UNC5D: variants seen among roughly 807,000 people sequenced by gnomAD.
The protein encoded by UNC5D is unc-5 netrin receptor D, also known as netrin receptor UNC5D.
A neutral mutation model predicts 105.4 loss-of-function variants in UNC5D; 39 were observed. The ratio of observed to expected loss-of-function variants is 0.37; its 90% CI spans 0.29 to 0.48. The LOEUF is 0.48. Ranked by LOEUF, UNC5D falls within the 20% of genes least tolerant of loss-of-function variation. The pLI, the probability that UNC5D is intolerant of heterozygous loss-of-function variation, is 0.98. For synonymous variants in UNC5D, 452 were observed against 450.4 expected (o/e 1.00, Z -0.04); for missense variants, 991 against 1,202.4 (o/e 0.82, Z 2.60).
chr8:35,537,197 ATAG>A (rs1455940945), intron 1 of UNC5D, among the ~76,000 whole-genome samples: 3 of 152,206 alleles, frequency 2.0e-5, no homozygotes, highest in Admixed American at 6.5e-5. Context: ...GTAAACAAAA[ATAG>A]TAGAAAAATA....
chr8:35,305,181 T>C (rs1200565654), intron 1 of UNC5D, among the ~76,000 whole-genome samples: 2 of 152,134 alleles, frequency 1.3e-5, no homozygotes, highest in Admixed American at 6.6e-5. Context: ...TTGTTCTATG[T>C]GACTCCAAGT....
At chr8:35,342,207 C>T (rs1472839818) in intron 1 of UNC5D, among the ~76,000 whole-genome samples, 1 of 152,038 alleles carries the variant, frequency 6.6e-6, no homozygotes, top group East Asian at 1.9e-4. Flanking sequence ...GGATTTTGGA[C>T]CTTTTCCGTG....
chr8:35,771,802 C>T (rs779598204), intron 15 of UNC5D, among the ~76,000 whole-genome samples: 30 of 152,158 alleles, frequency 2.0e-4, no homozygotes, highest in Non-Finnish European at 3.7e-4. Context: ...AAACAGGGTG[C>T]TATAGTGAAA....
intron 3 of UNC5D, among the ~76,000 whole-genome samples, chr8:35,589,357 ATTAT>A (rs908842141): frequency 6.6e-6 from 1 of 151,376 alleles, no homozygotes; most frequent in African/African-American, 2.4e-5. Flanking sequence ...ATTATAAATG[ATTAT>A]TTGAGCAATA....
chr8:35,717,273 T>G (rs1828305017), intron 8 of UNC5D, among the ~76,000 whole-genome samples: 1 of 152,210 alleles, frequency 6.6e-6, no homozygotes, highest in Admixed American at 6.6e-5. Context: ...GCAACATAGA[T>G]TCTAATCTGG....
rs535224167 is a variant in UNC5D at position 35,537,422 on chromosome 8, A to G, written c.104-11870A>G. Among the ~76,000 whole-genome samples, 3 of 152,274 alleles carry G rather than the reference A, an allele frequency of 2.0e-5. No homozygotes were observed. In the East Asian group the frequency reaches 5.8e-4, roughly 29 times the overall value. On this transcript the variant is annotated intron_variant, in intron 1 of 16. Transcript: ENST00000404895. Reference sequence around the variant, plus strand: ...GGGCAGGATACGGTGGCTCATGCCTATAATTCTAACATTTTGGGAGGCCAA... The same window carrying G: ...GGGCAGGATACGGTGGCTCATGCCTGTAATTCTAACATTTTGGGAGGCCAA...
chr8:35,425,354 C>T (rs1806172844), intron 1 of UNC5D, among the ~76,000 whole-genome samples: 1 of 152,156 alleles, frequency 6.6e-6, no homozygotes, highest in Admixed American at 6.6e-5. Context: ...GTTTCCACTT[C>T]AGTCCCTGGC....
At chr8:35,533,606 C>G (rs571919388) in intron 1 of UNC5D, among the ~76,000 whole-genome samples, 7 of 152,250 alleles carry the variant, frequency 4.6e-5, no homozygotes, top group Non-Finnish European at 1.0e-4. Flanking sequence ...CTTTGTTTAC[C>G]TAAGCAAGCC....
chr8:35,433,532 G>A (rs1409943023), intron 1 of UNC5D, among the ~76,000 whole-genome samples: 1 of 151,972 alleles, frequency 6.6e-6, no homozygotes, highest in Non-Finnish European at 1.5e-5. Flanking sequence ...ACTCAATTCA[G>A]TTATGAAAAG....
intron 1 of UNC5D, among the ~76,000 whole-genome samples, chr8:35,305,211 C>T (rs998644370): frequency 2.0e-5 from 3 of 151,990 alleles, no homozygotes; most frequent in Non-Finnish European, 4.4e-5. Context: ...GATGGATAGA[C>T]GTAAGTGACA....
intron 1 of UNC5D, among the ~76,000 whole-genome samples, chr8:35,359,460 T>A (rs980688929): frequency 6.6e-6 from 1 of 152,172 alleles, no homozygotes; most frequent in Non-Finnish European, 1.5e-5. Context: ...GTTATCAAAG[T>A]TTCTGTGTGA....
intron 4 of UNC5D, among the ~76,000 whole-genome samples, chr8:35,603,845 A>G (rs1275525123): frequency 1.3e-5 from 2 of 151,972 alleles, no homozygotes; most frequent in East Asian, 3.9e-4. Flanking sequence ...AGTCTGTTTT[A>G]TCAGAGACTA....
At chr8:35,612,723 CTTTTTTTTTTTTTT>C (rs57450378) in intron 4 of UNC5D, among the ~76,000 whole-genome samples, 1 of 64,742 alleles carries the variant, frequency 1.5e-5, no homozygotes, top group Non-Finnish European at 2.6e-5. Context: ...AATGTTTTGC[CTTTTTTTTTTTTTT>C]TTTTTTTTTT....
intron 14 of UNC5D, 35 bp downstream of exon 14, chr8:35,759,504 T>C (rs771101108): frequency 1.9e-6 from 3 of 1,595,968 alleles, no homozygotes; most frequent in Non-Finnish European, 2.6e-6. Context: ...AGAAACGGCT[T>C]TGCTTTAACC....
At chr8:35,589,922 T>C (rs529104709) in intron 3 of UNC5D, among the ~76,000 whole-genome samples, 1 of 152,332 alleles carries the variant, frequency 6.6e-6, no homozygotes, top group East Asian at 1.9e-4. Context: ...TGTATGCCCA[T>C]TTTCACTTGT....
chr8:35,440,205 T>C (rs180716863), intron 1 of UNC5D, among the ~76,000 whole-genome samples: 1 of 152,074 alleles, frequency 6.6e-6, no homozygotes, highest in Non-Finnish European at 1.5e-5. Flanking sequence ...TGTAAGAAAC[T>C]AAGCATGTCC....
At chr8:35,259,829 A>G (rs1390670810) in intron 1 of UNC5D, among the ~76,000 whole-genome samples, 4 of 151,838 alleles carry the variant, frequency 2.6e-5, no homozygotes, top group African/African-American at 4.8e-5. Context: ...GCTGGTAAAA[A>G]GGTGGAGGAA....
Position 35,726,196 on chromosome 8 carries a change from G to A in UNC5D, c.1348G>A (p.Val450Met). The change falls in exon 10 of 17, where the codon GTG becomes ATG. Residue 450 changes from valine (V) to methionine (M), a missense_variant. Val to Met is a conservative substitution (Grantham distance 21). Coordinates refer to ENST00000404895, the MANE Select transcript of UNC5D (RefSeq NM_080872.4). ...LNSAMQPDLT[V>M]SRTYSGPICL... ...TTCTGCCATGCAGCCAGATCTGACA[G>A]TGAGCCGGACATACAGCGGACCCAT... 1 of 1,613,756 alleles carries A rather than the reference G, an allele frequency of 6.2e-7. No homozygotes were observed.
intron 13 of UNC5D, among the ~76,000 whole-genome samples, chr8:35,758,473 A>C (rs930052246): frequency 1.3e-5 from 2 of 152,090 alleles, no homozygotes; most frequent in Admixed American, 1.3e-4. Context: ...ACTTAGGGAG[A>C]TCTCTTATAT....
Sources: gnomAD v4.1 joint callset for allele counts (sites outside exome capture counted in the v4.1 genomes callset) on GRCh38, gnomAD v4.1.1 for gene constraint, MANE v1.5 for transcripts, NCBI Gene and HGNC (gene_info 2026-07-23, HGNC 2026-07-21) for gene names.